Variants in CUX1 observed in about 807,000 individuals in gnomAD.
The protein encoded by CUX1 is protein CASP.
CUX1 carries 31 observed loss-of-function variants against 158.8 expected under a neutral mutation model. That is an observed-to-expected ratio of 0.20 (90% CI 0.15 to 0.26). The LOEUF (loss-of-function observed/expected upper bound fraction) is 0.26. Ranked by LOEUF, CUX1 falls within the 10% of genes least tolerant of loss-of-function variation. The probability of loss-of-function intolerance (pLI) is 1.00; values close to 1 mark genes in which losing one functional copy is unlikely to be tolerated. For synonymous variants in CUX1, 879 were observed against 862.1 expected, an observed-to-expected ratio of 1.02 and a Z score of -0.34; for missense variants, 1,589 against 2,014.6, an observed-to-expected ratio of 0.79 and a Z score of 4.04.
chr7:101,964,289 G>A (rs1265980142), intron 2 of CUX1, among the ~76,000 whole-genome samples: 2 of 151,954 alleles, frequency 1.3e-5, no homozygotes, highest in African/African-American at 4.8e-5. Flanking sequence ...GGGGGCGGAG[G>A]TTGCAGTGAG....
At chr7:102,281,727 T>G in intron 20 of CUX1, 1 of 728,140 alleles carries the variant, frequency 1.4e-6, no homozygotes, top group Non-Finnish European at 2.5e-6. Context: ...GGCCCCAGCT[T>G]CCTGTCCCTT....
chr7:102,225,536 G>C (rs1380305776), intron 20 of CUX1, among the ~76,000 whole-genome samples: 1 of 152,178 alleles, frequency 6.6e-6, no homozygotes, highest in East Asian at 1.9e-4. Flanking sequence ...TGTTGACTGA[G>C]TGACCTGCTA....
At chr7:102,040,937 T>G (rs542738652) in intron 3 of CUX1, among the ~76,000 whole-genome samples, 5 of 152,138 alleles carry the variant, frequency 3.3e-5, no homozygotes, top group Non-Finnish European at 5.9e-5. Flanking sequence ...GTACTTTGGT[T>G]GACTATCGCT....
Position 102,028,227 on chromosome 7 carries a change from G to A in CUX1, c.189+82G>A, listed in dbSNP as rs140847169. 3.2e-5 allele frequency: 47 copies of A among 1,463,350 alleles called. No individual in the cohort carries two copies. In the African/African-American group the frequency reaches 3.3e-4, roughly 10 times the overall value. 90.6% of individuals were successfully genotyped at this position (1,463,350 alleles called of 1,614,324 possible). ...TTTATTCACATTAAAGAAATGCTCC[G>A]GGCAAAAGGTGCTGCCCAGATGGTG... On this transcript the variant is annotated intron_variant, in intron 3 of 23. Transcript: ENST00000292535.
At chr7:102,021,353 G>A (rs1260145170) in intron 2 of CUX1, among the ~76,000 whole-genome samples, 1 of 152,088 alleles carries the variant, frequency 6.6e-6, no homozygotes, top group Non-Finnish European at 1.5e-5. Flanking sequence ...CTGTCACCCA[G>A]GCTGGATTAC....
chr7:101,952,245 G>T (rs549111799), intron 2 of CUX1, among the ~76,000 whole-genome samples: 30 of 152,140 alleles, frequency 2.0e-4, no homozygotes, highest in Non-Finnish European at 3.8e-4. Flanking sequence ...AATTAGCTAG[G>T]CGTGGTAGCA....
chr7:102,280,257 T>C, intron 19 of CUX1: 1 of 618,290 alleles, frequency 1.6e-6, no homozygotes, highest in Non-Finnish European at 2.9e-6. Flanking sequence ...GTCTGGGTGC[T>C]CTCGGCCAGC....
At chr7:102,093,112 G>T (rs1585634203) in intron 4 of CUX1, among the ~76,000 whole-genome samples, 1 of 149,176 alleles carries the variant, frequency 6.7e-6, no homozygotes, top group South Asian at 2.1e-4. Flanking sequence ...TGTTAAATTA[G>T]TACTGAAAGA....
At chr7:102,091,245 G>A (rs527565970) in intron 4 of CUX1, among the ~76,000 whole-genome samples, 9 of 152,234 alleles carry the variant, frequency 5.9e-5, no homozygotes, top group South Asian at 4.1e-4. Flanking sequence ...TCTGTCAAGC[G>A]GCATGTTACT....
In CUX1 at chr7:102,275,405, A is replaced by G. The variant is rs200598550; in HGVS notation, c.1563+46A>G. 15 of 1,436,552 alleles carry G rather than the reference A, an allele frequency of 1.0e-5. No homozygotes were observed. In the East Asian group the frequency reaches 3.0e-4, roughly 29 times the overall value. The allele number at this position is 1,436,552 out of a possible 1,614,324, so 89.0% of individuals were successfully genotyped here. On this transcript the variant is annotated intron_variant, in intron 17 of 22. Transcript: ENST00000292538. ...CCTGATGCTCCTTGGGCCCAAGGAC[A>G]CAGTTGGGGAACACACAGGCTTTCA... is the stretch of plus-strand genomic sequence containing the variant.
chr7:102,174,261 G>A (rs1171491383), intron 10 of CUX1, among the ~76,000 whole-genome samples: 3 of 152,142 alleles, frequency 2.0e-5, no homozygotes, highest in Non-Finnish European at 4.4e-5. Context: ...TGGGATTACA[G>A]GTGTGCGCCA....
chr7:101,916,124 G>C lies in CUX1; in HGVS notation c.40G>C (p.Asp14His). ...VAGARLKREL[D>H]ATATVLANRQ... ...CCTGTTTCCCCAACAGAGAGAACTC[G>C]ATGCCACCGCAACGGTATTGGCGAA... The change falls in exon 2 of 24, where the codon GAT becomes CAT. Residue 14 changes from aspartate (D) to histidine (H), a missense_variant. By Grantham distance (81) the Asp-to-His change is moderately conservative. This residue lies in a region of CUX1 where 63 missense variants were observed against 109.2 expected (regional missense o/e 0.58). Transcript: ENST00000292535. This position sits in a 1 kb window ranked among gnomAD's most constrained non-coding sequence, Gnocchi z 4.4. The C allele has an allele frequency of 6.2e-7, 1 of 1,612,614 alleles. No homozygotes were observed. The highest frequency in any genetic ancestry group is 8.5e-7 in the Non-Finnish European group (1 of 1,178,826).
In CUX1 at chr7:102,201,454, C is replaced by T; in HGVS notation, c.2157C>T (p.Ala719=). The T allele has an allele frequency of 6.2e-7, 1 of 1,614,110 alleles. No homozygotes were observed. The highest frequency in any genetic ancestry group is 8.5e-7 in the Non-Finnish European group (1 of 1,180,026). Residue 719 remains alanine, a synonymous_variant, in exon 18 of 24, where the codon GCC becomes GCT. Transcript: ENST00000292535. This position sits in a 1 kb window ranked among gnomAD's most constrained non-coding sequence, Gnocchi z 5.0. The part of the protein sequence containing the change: ...ILQQARREME[A]QQAALDPALK... ...AGCAAGCCCGCCGGGAGATGGAGGC[C>T]CAGCAGGCTGCCCTCGACCCTGCCT...
chr7:101,946,915 C>T (rs1808451719), intron 2 of CUX1, among the ~76,000 whole-genome samples: 1 of 152,096 alleles, frequency 6.6e-6, no homozygotes, highest in Non-Finnish European at 1.5e-5. Context: ...GAACCAGTCT[C>T]TCCGTGAGCT....
Position 101,837,979 on chromosome 7 carries a change from C to G in CUX1, c.30+20310C>G, listed in dbSNP as rs181798624. Reference sequence around the variant, plus strand: ...TTTATGGTCCGTTCTCATTTTCAGCCCCCTTTCCTCATTCTACTCTATTAA... The same window carrying G: ...TTTATGGTCCGTTCTCATTTTCAGCGCCCTTTCCTCATTCTACTCTATTAA... On this transcript the variant is annotated intron_variant, in intron 1 of 23. Coordinates refer to ENST00000292535, the MANE Select transcript of CUX1 (RefSeq NM_181552.4). Among the ~76,000 whole-genome samples, 3 of 151,980 alleles carry G rather than the reference C, an allele frequency of 2.0e-5. No homozygotes were observed. In the East Asian group the frequency reaches 5.8e-4, roughly 29 times the overall value.
intron 3 of CUX1, among the ~76,000 whole-genome samples, chr7:102,038,826 A>C (rs1482085191): frequency 6.6e-6 from 1 of 152,170 alleles, no homozygotes; most frequent in African/African-American, 2.4e-5. Flanking sequence ...ATGGTGGCAC[A>C]TGCCTGTAGT....
intron 1 of CUX1, among the ~76,000 whole-genome samples, chr7:101,877,292 G>A (rs1251965352): frequency 3.3e-5 from 5 of 152,168 alleles, no homozygotes; most frequent in Non-Finnish European, 7.3e-5. Context: ...TCCTTCCAGA[G>A]TTTCATTATA....
chr7:102,056,620 A>T (rs1824161337), intron 3 of CUX1, among the ~76,000 whole-genome samples: 2 of 151,872 alleles, frequency 1.3e-5, no homozygotes, highest in African/African-American at 2.4e-5. Context: ...ACCCAGGCTG[A>T]AGTGCAATGG....
chr7:102,084,272 AAAT>A (rs1296631322), intron 4 of CUX1, among the ~76,000 whole-genome samples: 5 of 145,554 alleles, frequency 3.4e-5, no homozygotes, highest in African/African-American at 7.3e-5. Flanking sequence ...ACATTTTAAC[AAAT>A]AATAAAATAT....
Sources: allele counts gnomAD v4.1 joint callset (sites outside exome capture counted in the v4.1 genomes callset), GRCh38; gene constraint gnomAD v4.1.1; regional missense constraint gnomAD v4.1.1; non-coding constraint Gnocchi (gnomAD v3.1); transcripts MANE v1.5; gene names NCBI Gene and HGNC (gene_info 2026-07-23, HGNC 2026-07-21).